TCF12: variants seen among roughly 807,000 people sequenced by gnomAD.
The protein encoded by TCF12 is DNA-binding protein HTF4.
Under a neutral mutation model 86.0 loss-of-function variants are expected in TCF12, and 45 were observed. The observed-to-expected ratio is 0.52, with a 90% CI of 0.41 to 0.67. The LOEUF (loss-of-function observed/expected upper bound fraction) is 0.67. Among genes scored for constraint, TCF12 ranks in the 30% least tolerant of loss-of-function variants. TCF12 has a pLI of 0.00. For synonymous variants in TCF12, 330 were observed against 299.6 expected (o/e 1.10, Z -1.05); for missense variants, 881 against 859.9 (o/e 1.02, Z -0.31).
chr15:57,054,287 G>A (rs2067834630), intron 3 of TCF12, among the ~76,000 whole-genome samples: 1 of 152,172 alleles, frequency 6.6e-6, no homozygotes. Context: ...AGCAAATTGT[G>A]TTAGGTAATC....
chr15:57,242,459 C>T (rs1217477472), intron 12 of TCF12, among the ~76,000 whole-genome samples: 2 of 152,034 alleles, frequency 1.3e-5, no homozygotes, highest in East Asian at 1.9e-4. Context: ...GAGGCCAAAG[C>T]GGGTGGATCA....
At chr15:56,977,559 G>A (rs1339468377) in intron 3 of TCF12, among the ~76,000 whole-genome samples, 1 of 149,846 alleles carries the variant, frequency 6.7e-6, no homozygotes, top group Non-Finnish European at 1.5e-5. Flanking sequence ...GTGTGTGTGT[G>A]TGTGTATGTA....
At chr15:57,256,846 G>A (rs2060370422) in intron 16 of TCF12, among the ~76,000 whole-genome samples, 1 of 152,168 alleles carries the variant, frequency 6.6e-6, no homozygotes, top group Non-Finnish European at 1.5e-5. Context: ...GACCTCCACA[G>A]AGCATTCAGA....
At chr15:57,244,022 G>T (rs2059745685) in intron 13 of TCF12, among the ~76,000 whole-genome samples, 1 of 152,032 alleles carries the variant, frequency 6.6e-6, no homozygotes, top group Admixed American at 6.5e-5. Flanking sequence ...GGGAATACAG[G>T]TGTATGCCAC....
intron 3 of TCF12, among the ~76,000 whole-genome samples, chr15:57,007,890 C>A (rs1240216120): frequency 8.4e-6 from 1 of 118,474 alleles, no homozygotes; most frequent in East Asian, 2.3e-4. Context: ...TCCTTCCTTC[C>A]TTCCTTCCTT....
At chr15:57,108,472 T>A (rs535762793) in intron 5 of TCF12, among the ~76,000 whole-genome samples, 1 of 152,264 alleles carries the variant, frequency 6.6e-6, no homozygotes, top group East Asian at 1.9e-4. Context: ...GAAGAGTCCC[T>A]TTTTCTCCCC....
chr15:56,970,590 T>C (rs2062256470), intron 3 of TCF12, among the ~76,000 whole-genome samples: 1 of 150,512 alleles, frequency 6.6e-6, no homozygotes, highest in African/African-American at 2.5e-5. Flanking sequence ...AGGAAGAATA[T>C]ATGGATGAAT....
intron 8 of TCF12, among the ~76,000 whole-genome samples, chr15:57,207,769 CATT>C (rs1265810119): frequency 1.3e-5 from 2 of 152,138 alleles, no homozygotes; most frequent in African/African-American, 4.8e-5. Context: ...TCAAACTCAT[CATT>C]ATTTGAAATC....
At chr15:57,216,851 G>A (rs1173300667) in intron 8 of TCF12, among the ~76,000 whole-genome samples, 8 of 152,028 alleles carry the variant, frequency 5.3e-5, no homozygotes, top group African/African-American at 1.4e-4. Context: ...GTTTTGGAGC[G>A]ACAAACTTAA....
intron 5 of TCF12, among the ~76,000 whole-genome samples, chr15:57,158,440 A>G (rs1191457019): frequency 2.0e-5 from 3 of 152,072 alleles, no homozygotes; most frequent in African/African-American, 7.2e-5. Context: ...CAGCCTCTCA[A>G]AGTGCTGGGA....
chr15:56,976,479 C>T (rs1020593896), intron 3 of TCF12, among the ~76,000 whole-genome samples: 12 of 151,624 alleles, frequency 7.9e-5, no homozygotes, highest in Admixed American at 3.3e-4. Flanking sequence ...CCTCGTCATC[C>T]GCCCGCCTCG....
At chr15:57,278,421 A>G (rs2061502133) in intron 19 of TCF12, 1 of 152,174 alleles carries the variant, frequency 6.6e-6, no homozygotes, top group Non-Finnish European at 1.5e-5. Flanking sequence ...GATCTCTTGG[A>G]GCATTCAGTG....
At chr15:57,139,727 T>C (rs767309723) in intron 5 of TCF12, among the ~76,000 whole-genome samples, 1 of 152,118 alleles carries the variant, frequency 6.6e-6, no homozygotes, top group East Asian at 1.9e-4. Context: ...CACTAATGTT[T>C]AGGGGCTAGG....
intron 5 of TCF12, among the ~76,000 whole-genome samples, chr15:57,115,501 G>A (rs1022504300): frequency 6.6e-6 from 1 of 152,162 alleles, no homozygotes; most frequent in African/African-American, 2.4e-5. Context: ...AGGACCTGGT[G>A]AAGATGTGAA....
intron 2 of TCF12, 42 bp downstream of exon 2, chr15:56,920,030 T>TTTTGTTTG (rs527665020): frequency 8.3e-5 from 133 of 1,605,700 alleles, no homozygotes; most frequent in Non-Finnish European, 1.1e-4. Context: ...CTGCTGAGGT[T>TTTTGTTTG]TTTGTTTGTT....
At chr15:56,956,507 A>G (rs2061510565) in intron 3 of TCF12, among the ~76,000 whole-genome samples, 2 of 152,050 alleles carry the variant, frequency 1.3e-5, no homozygotes, top group African/African-American at 2.4e-5. Context: ...CTGTAGATTC[A>G]TATTTCTATC....
rs1555498796 is a variant in TCF12, at chr15:57,075,835, T to TTTCTTTC, written c.222+12014_222+12015insCTTTCTT. Among the ~76,000 whole-genome samples the TTTCTTTC allele has an allele frequency of 1.1e-3, 55 of 50,014 alleles. 3 individuals carry two copies. The highest frequency in any genetic ancestry group is 2.2e-3 in the Admixed American group (9 of 4,162). 32.8% of individuals were successfully genotyped at this position (50,014 alleles called of 152,430 possible). A position where few individuals can be genotyped will look rare whatever the true frequency, so the allele number is the denominator to read the frequency against. On this transcript the variant is annotated intron_variant, in intron 4 of 20. Transcript: ENST00000333725. ...CTCTCTCTCTCTCTCTCTCTCTCTC[T>TTTCTTTC]TTTCTTTCTTTCTTTCTTTCTTTCT...
intron 16 of TCF12, among the ~76,000 whole-genome samples, chr15:57,259,710 C>T (rs1486975101): frequency 6.6e-6 from 1 of 152,206 alleles, no homozygotes; most frequent in Non-Finnish European, 1.5e-5. Context: ...ACTCCCCTAA[C>T]AGCGGCAGCC....
At chr15:57,161,302 G>A (rs888698479) in intron 5 of TCF12, among the ~76,000 whole-genome samples, 3 of 152,250 alleles carry the variant, frequency 2.0e-5, no homozygotes. Flanking sequence ...ATTTGTTAGG[G>A]TAACTAATGC....
Sources: gnomAD v4.1 joint callset for allele counts (sites outside exome capture counted in the v4.1 genomes callset) on GRCh38, gnomAD v4.1.1 for gene constraint, MANE v1.5 for transcripts, NCBI Gene and HGNC (gene_info 2026-07-23, HGNC 2026-07-21) for gene names.